CNTN4: variants seen among roughly 807,000 people sequenced by gnomAD.
The protein encoded by CNTN4 is contactin-4.
Under a neutral mutation model 122.5 loss-of-function variants are expected in CNTN4, and 77 were observed. The observed-to-expected ratio is 0.63, with a 90% CI of 0.52 to 0.76. The LOEUF is 0.76. CNTN4 is among the 30% of genes least tolerant of loss of function. The pLI, the probability that CNTN4 is intolerant of heterozygous loss-of-function variation, is 0.00. For synonymous variants in CNTN4, 512 were observed against 447.0 expected (o/e 1.15, Z -1.83); for missense variants, 1,256 against 1,259.1 (o/e 1.00, Z 0.04).
intron 3 of CNTN4, among the ~76,000 whole-genome samples, chr3:2,382,541 C>A (rs2150780826): frequency 6.6e-6 from 1 of 152,300 alleles, no homozygotes; most frequent in African/African-American, 2.4e-5. Flanking sequence ...AACAGGAACA[C>A]TTTCTAAAAA....
At chr3:2,948,857 T>G (rs1030566824) in intron 13 of CNTN4, among the ~76,000 whole-genome samples, 1 of 152,048 alleles carries the variant, frequency 6.6e-6, no homozygotes, top group Non-Finnish European at 1.5e-5. Flanking sequence ...TCCCTGAGAG[T>G]TTTTGATAAG....
intron 3 of CNTN4, among the ~76,000 whole-genome samples, chr3:2,394,490 A>G (rs190423778): frequency 2.2e-4 from 33 of 152,310 alleles, no homozygotes; most frequent in Admixed American, 5.9e-4. Flanking sequence ...ATCTTTAGTT[A>G]CAAGAGAAAT....
At chr3:2,600,669 A>G (rs939877652) in intron 4 of CNTN4, among the ~76,000 whole-genome samples, 6 of 152,206 alleles carry the variant, frequency 3.9e-5, no homozygotes, top group Non-Finnish European at 2.9e-5. Flanking sequence ...ATACGTGTGC[A>G]TGTGTCTTTA....
At chr3:2,798,366 A>ATCTGTCTACCTATCTATCT (rs57013365) in intron 6 of CNTN4, among the ~76,000 whole-genome samples, 12 of 135,374 alleles carry the variant, frequency 8.9e-5, no homozygotes, top group Non-Finnish European at 6.4e-5. Flanking sequence ...TACACACATA[A>ATCTGTCTACCTATCTATCT]ATCTATCTAT....
At chr3:2,377,166 A>G (rs1377792873) in intron 3 of CNTN4, among the ~76,000 whole-genome samples, 1 of 152,098 alleles carries the variant, frequency 6.6e-6, no homozygotes, top group Non-Finnish European at 1.5e-5. Context: ...AGGAAAAAAA[A>G]AAAAAAAAGA....
intron 2 of CNTN4, among the ~76,000 whole-genome samples, chr3:2,101,309 T>C (rs112691138): frequency 0.017 from 2,564 of 152,268 alleles, 56 homozygotes; most frequent in African/African-American, 0.058. Flanking sequence ...ATTTAGGTCT[T>C]AAAAAAATAA....
chr3:2,290,628 T>C (rs1323377593), intron 2 of CNTN4, among the ~76,000 whole-genome samples: 1 of 152,142 alleles, frequency 6.6e-6, no homozygotes, highest in Non-Finnish European at 1.5e-5. Flanking sequence ...ATCAGAGACA[T>C]GATGAAAGAA....
chr3:2,887,220 C>G lies in CNTN4; in HGVS notation c.936C>G (p.Phe312Leu), dbSNP rs1272840275. ...ATGTAGCAAGGGGACAGCTAACTTT[C>G]TATGGTAAGTGTATGATTTCAGTTT... ...GKNVARGQLT[F>L]YAQPNWIQKI... Residue 312 changes from phenylalanine (F) to leucine (L), a missense_variant, in exon 10 of 25, where the codon TTC (phenylalanine) becomes TTG (leucine). Phe to Leu is a conservative substitution (Grantham distance 22). Coordinates refer to ENST00000418658, the MANE Select transcript of CNTN4 (RefSeq NM_175607.3). 3 of 1,612,326 alleles carry G rather than the reference C, an allele frequency of 1.9e-6. No individual in the cohort carries two copies. The highest frequency in any genetic ancestry group is 2.5e-6 in the Non-Finnish European group (3 of 1,179,644).
intron 2 of CNTN4, among the ~76,000 whole-genome samples, chr3:2,242,766 A>G (rs1200174725): frequency 1.3e-5 from 2 of 152,134 alleles, no homozygotes; most frequent in Non-Finnish European, 2.9e-5. Context: ...AATATCATGC[A>G]TCACAAATTA....
At chr3:2,731,704 C>G (rs558405926) in intron 4 of CNTN4, among the ~76,000 whole-genome samples, 5 of 152,374 alleles carry the variant, frequency 3.3e-5, no homozygotes, top group African/African-American at 1.2e-4. Context: ...CCTGGGGCGA[C>G]TCTCACCCTT....
chr3:2,819,133 A>G (rs190538455), intron 6 of CNTN4, among the ~76,000 whole-genome samples: 3 of 152,304 alleles, frequency 2.0e-5, no homozygotes, highest in Admixed American at 2.0e-4. Context: ...GGCATGATGG[A>G]AGTCTTCTGT....
At chr3:2,568,791 T>G (rs1192509935) in intron 3 of CNTN4, among the ~76,000 whole-genome samples, 2 of 152,210 alleles carry the variant, frequency 1.3e-5, no homozygotes, top group African/African-American at 4.8e-5. Context: ...CCAATAGGAT[T>G]CGTGAAATTC....
intron 2 of CNTN4, among the ~76,000 whole-genome samples, chr3:2,257,149 T>C (rs370823505): frequency 3.0e-4 from 46 of 152,204 alleles, no homozygotes; most frequent in South Asian, 1.5e-3. Context: ...TCTACACCCA[T>C]CTGATCTTTG....
intron 6 of CNTN4, among the ~76,000 whole-genome samples, chr3:2,754,715 A>C (rs1024990578): frequency 1.3e-5 from 2 of 152,046 alleles, no homozygotes; most frequent in Non-Finnish European, 2.9e-5. Context: ...CTATGAATAA[A>C]GTAACTCTTC....
chr3:2,248,754 A>T (rs186513366), intron 2 of CNTN4, among the ~76,000 whole-genome samples: 25 of 152,106 alleles, frequency 1.6e-4, no homozygotes, highest in Non-Finnish European at 2.4e-4. Flanking sequence ...GTGAAAAGAA[A>T]AGCCTGTTAA....
intron 15 of CNTN4, among the ~76,000 whole-genome samples, chr3:3,027,767 G>T (rs1254302169): frequency 6.6e-5 from 10 of 152,180 alleles, no homozygotes. Flanking sequence ...CAATCGAAGT[G>T]GACGTCCTAC....
At chr3:2,732,142 A>C (rs2088732653) in intron 4 of CNTN4, among the ~76,000 whole-genome samples, 1 of 152,198 alleles carries the variant, frequency 6.6e-6, no homozygotes, top group African/African-American at 2.4e-5. Flanking sequence ...GCCCCCAAAA[A>C]AATGTGTCTA....
At chr3:2,490,070 A>C (rs2151656558) in intron 3 of CNTN4, among the ~76,000 whole-genome samples, 1 of 151,814 alleles carries the variant, frequency 6.6e-6, no homozygotes, top group African/African-American at 2.4e-5. Context: ...TATTATCTCT[A>C]CCAGGAAAGG....
intron 4 of CNTN4, among the ~76,000 whole-genome samples, chr3:2,582,517 C>T (rs1252241925): frequency 2.0e-5 from 3 of 152,146 alleles, no homozygotes; most frequent in Non-Finnish European, 4.4e-5. Flanking sequence ...CTTACCACCA[C>T]CCTGCCCAGC....
Sources: gnomAD v4.1 joint callset for allele counts (sites outside exome capture counted in the v4.1 genomes callset) on GRCh38, gnomAD v4.1.1 for gene constraint, MANE v1.5 for transcripts, NCBI Gene and HGNC (gene_info 2026-07-23, HGNC 2026-07-21) for gene names.